TG: variants seen among roughly 807,000 people sequenced by gnomAD.
The protein encoded by TG is thyroid hormones.
In TG, 270 loss-of-function variants were observed where a neutral mutation model predicts 324.7. The ratio of observed to expected loss-of-function variants is 0.83; its 90% CI spans 0.75 to 0.92. TG has a LOEUF of 0.92. Ranked by LOEUF, TG falls within the 40% of genes least tolerant of loss-of-function variation. The pLI, the probability that TG is intolerant of heterozygous loss-of-function variation, is 0.00. For synonymous variants in TG, 1,401 were observed against 1,327.0 expected, an observed-to-expected ratio of 1.06 and a Z score of -1.21; for missense variants, 3,591 against 3,456.4, an observed-to-expected ratio of 1.04 and a Z score of -0.98.
At chr8:132,969,922 A>G (rs1388238607) in intron 32 of TG, among the ~76,000 whole-genome samples, 9 of 150,764 alleles carry the variant, frequency 6.0e-5, no homozygotes, top group African/African-American at 1.9e-4. Context: ...AAAAAAAAAA[A>G]AAAAAAAAAA....
At chr8:133,024,306 TTTTC>T (rs199604332) in intron 40 of TG, among the ~76,000 whole-genome samples, 5,259 of 87,720 alleles carry the variant, frequency 0.06, 138 homozygotes, top group East Asian at 0.079. Context: ...CCACAGGCCA[TTTTC>T]TTTCTTTCTT....
chr8:132,911,245 T>C lies in TG; in HGVS notation c.4003-132T>C, dbSNP rs763867354. 2.6e-4 allele frequency: 399 copies of C among 1,529,748 alleles called. 4 individuals are homozygous for C. In the South Asian group the frequency reaches 3.6e-3, roughly 14 times the overall value. 94.8% of individuals were successfully genotyped at this position (1,529,748 alleles called of 1,614,324 possible). A position where few individuals can be genotyped will look rare whatever the true frequency, so the allele number is the denominator to read the frequency against. ...TGTGGAAAAGGGGGTCACTATTCCT[T>C]GACCCCCTGAAGTAGGGTTGGTGGA... On this transcript the variant is annotated intron_variant, in intron 18 of 47. Transcript: ENST00000220616.
Position 132,871,232 on chromosome 8 carries a change from G to T in TG, c.275-116G>T, listed in dbSNP as rs1247090844. 4 of 1,046,502 alleles carry T rather than the reference G, an allele frequency of 3.8e-6. No homozygotes were observed. The African/African-American group carries it at 6.2e-5, about 16-fold the overall frequency. The allele number at this position is 1,046,502 out of a possible 1,614,324, so 64.8% of individuals were successfully genotyped here. On this transcript the variant is annotated intron_variant, in intron 3 of 47. Coordinates refer to ENST00000220616, the MANE Select transcript of TG (RefSeq NM_003235.5). Reference sequence around the variant, plus strand: ...CCACCCCATCACTGCGTGTCCTTGGGCGGGTCATTCCCCTCTCAGCTGTGT... The same window carrying T: ...CCACCCCATCACTGCGTGTCCTTGGTCGGGTCATTCCCCTCTCAGCTGTGT...
In TG at chr8:132,893,864, G is replaced by T. The variant is rs143609789; in HGVS notation, c.2936G>T (p.Arg979Leu). 3.7e-6 allele frequency: 6 copies of T among 1,614,032 alleles called. No individual in the cohort carries two copies. In the Admixed American group the frequency reaches 1.0e-4, roughly 27 times the overall value. ...DLGLPPLFPPREAFAEQFLRG... is the reference protein window; with the variant it reads ...DLGLPPLFPPLEAFAEQFLRG... Reference sequence around the variant, plus strand: ...GGCCTTCCTCCGCTCTTCCCGCCCCGGGAGGCTTTCGCGGAGCAGTTTCTG... The same window carrying T: ...GGCCTTCCTCCGCTCTTCCCGCCCCTGGAGGCTTTCGCGGAGCAGTTTCTG... The change falls in exon 11 of 48, where the codon CGG becomes CTG. Residue 979 changes from arginine to leucine, a missense_variant. By Grantham distance (102) the Arg-to-Leu change is moderately radical. Transcript: ENST00000220616.
intron 21 of TG, among the ~76,000 whole-genome samples, chr8:132,922,660 A>G (rs1272710682): frequency 1.3e-5 from 2 of 152,230 alleles, no homozygotes; most frequent in Non-Finnish European, 2.9e-5. Context: ...TATTTCTCAC[A>G]GTTCTGGAGA....
In TG at chr8:132,913,201, T is replaced by A. The variant is rs751732294; in HGVS notation, c.4314T>A (p.Phe1438Leu). 5.0e-6 allele frequency: 8 copies of A among 1,614,022 alleles called. No homozygotes were observed. The East Asian group carries it at 1.8e-4, about 36-fold the overall frequency. Reference sequence around the variant, plus strand: ...TTGGCACCTCTCCCAGGACATGGTTTGGGTGCTCGGAAGGATTCTACCAAG... The same window carrying A: ...TTGGCACCTCTCCCAGGACATGGTTAGGGTGCTCGGAAGGATTCTACCAAG... ...DHFGTSPRTW[F>L]GCSEGFYQVL... The change falls in exon 20 of 48, where the codon TTT becomes TTA. Residue 1438 changes from phenylalanine (F) to leucine (L), a missense_variant. Coordinates refer to ENST00000220616, the MANE Select transcript of TG (RefSeq NM_003235.5).
At chr8:132,988,064 G>GCACACA (rs35161639) in intron 35 of TG, among the ~76,000 whole-genome samples, 3,982 of 134,606 alleles carry the variant, frequency 0.03, 66 homozygotes, top group Middle Eastern at 0.057. Flanking sequence ...ACATACACAT[G>GCACACA]CACACACACA....
intron 45 of TG, among the ~76,000 whole-genome samples, chr8:133,118,697 C>T (rs974965711): frequency 3.9e-5 from 6 of 152,132 alleles, no homozygotes; most frequent in African/African-American, 1.4e-4. Context: ...AAATGGCCAC[C>T]TCTGTTTTAC....
chr8:133,012,340 C>A (rs1201829857), intron 36 of TG, among the ~76,000 whole-genome samples: 1 of 152,176 alleles, frequency 6.6e-6, no homozygotes, highest in East Asian at 1.9e-4. Context: ...GCAGCTCTGG[C>A]AGCTGACCTC....
chr8:132,884,406 GAAGCT>G, intron 8 of TG, among the ~76,000 whole-genome samples: 1 of 152,244 alleles, frequency 6.6e-6, no homozygotes, highest in African/African-American at 2.4e-5. Flanking sequence ...CCAACTTGGG[GAAGCT>G]GGGTAGATTT....
intron 43 of TG, among the ~76,000 whole-genome samples, chr8:133,102,002 A>G (rs2958672): frequency 6.6e-6 from 1 of 152,142 alleles, no homozygotes; most frequent in African/African-American, 2.4e-5. Context: ...TGAAGTTGGG[A>G]GATGATTAGT....
At chr8:133,038,721 C>G (rs201667666) in intron 41 of TG, 1 of 1,613,484 alleles carries the variant, frequency 6.2e-7, no homozygotes, top group Admixed American at 1.7e-5. Flanking sequence ...TCTGTTCCCT[C>G]GGGGTCCTCC....
intron 41 of TG, among the ~76,000 whole-genome samples, chr8:133,069,202 C>A (rs1843568999): frequency 6.6e-6 from 1 of 152,254 alleles, no homozygotes; most frequent in Non-Finnish European, 1.5e-5. Flanking sequence ...ACTATAAAGT[C>A]CGTGATTTCT....
In TG at chr8:133,113,508, T is replaced by A; in HGVS notation, c.7659T>A (p.Asp2553Glu). The A allele has an allele frequency of 6.2e-7, 1 of 1,614,128 alleles. No homozygotes were observed. The highest frequency in any genetic ancestry group is 8.5e-7 in the Non-Finnish European group (1 of 1,180,016). ...ATTCTCTGGGTGGCGAGGACTCAGA[T>A]GCCCGCGTCGAGGCTGCTGCTACAT... The part of the protein sequence containing the change: ...LQNSLGGEDS[D>E]ARVEAAATWY... The change falls in exon 44 of 48, where the codon GAT becomes GAA. Residue 2553 changes from aspartate (D) to glutamate (E), a missense_variant. Asp to Glu is a conservative substitution (Grantham distance 45). Coordinates refer to ENST00000220616, the MANE Select transcript of TG (RefSeq NM_003235.5).
intron 28 of TG, among the ~76,000 whole-genome samples, chr8:132,961,799 C>T (rs1010092122): frequency 1.3e-5 from 2 of 152,154 alleles, no homozygotes; most frequent in Admixed American, 6.5e-5. Context: ...TACTTCCTTC[C>T]TGTTCCCCTA....
At chr8:133,057,146 G>A (rs1457937507) in intron 41 of TG, among the ~76,000 whole-genome samples, 2 of 145,792 alleles carry the variant, frequency 1.4e-5, no homozygotes, top group Admixed American at 6.8e-5. Context: ...ACCCTTGCAC[G>A]GACAGAAAGG....
At chr8:133,106,555 C>A in intron 43 of TG, 1 of 720,734 alleles carries the variant, frequency 1.4e-6, no homozygotes. Flanking sequence ...CATCACTCCA[C>A]TGACCCCGTG....
In TG at chr8:133,021,992, C is replaced by G; in HGVS notation, c.6878C>G (p.Ala2293Gly). ...CTCATGTTTCTCCAATACCCACAGG[C>G]CCCTAACGCGTCTGTGCTGGTGTTC... ...YLNVFIPQNVAPNASVLVFFH... is the reference protein window; with the variant it reads ...YLNVFIPQNVGPNASVLVFFH... The change falls in exon 40 of 48, where the codon GCC (alanine) becomes GGC (glycine). Residue 2293 changes from alanine to glycine, a missense_variant and splice_region_variant. Transcript: ENST00000220616. 6.2e-7 allele frequency: 1 copy of G among 1,614,174 alleles called. No homozygotes were observed. The highest frequency in any genetic ancestry group is 1.1e-5 in the South Asian group (1 of 91,082).
At chr8:133,028,632 C>T (rs927119480) in intron 40 of TG, among the ~76,000 whole-genome samples, 1 of 152,124 alleles carries the variant, frequency 6.6e-6, no homozygotes, top group African/African-American at 2.4e-5. Context: ...ATTATCACCC[C>T]CGTTTTACAG....
Sources: gnomAD v4.1 joint callset for allele counts (sites outside exome capture counted in the v4.1 genomes callset) on GRCh38, gnomAD v4.1.1 for gene constraint, MANE v1.5 for transcripts, NCBI Gene and HGNC (gene_info 2026-07-23, HGNC 2026-07-21) for gene names.